SLC4A2: variants seen among roughly 807,000 people sequenced by gnomAD.
SLC4A2 encodes the protein anion exchange protein 2.
SLC4A2 carries 36 observed loss-of-function variants against 115.0 expected under a neutral mutation model. That is an observed-to-expected ratio of 0.31 (90% CI 0.24 to 0.41). The LOEUF is 0.41. Among genes scored for constraint, SLC4A2 ranks in the 10% least tolerant of loss-of-function variants. The pLI, the probability that SLC4A2 is intolerant of heterozygous loss-of-function variation, is 1.00. For synonymous variants in SLC4A2, 708 were observed against 708.3 expected (o/e 1.00, Z 0.01); for missense variants, 1,252 against 1,705.6 (o/e 0.73, Z 4.68).
intron 1 of SLC4A2, chr7:151,061,723 G>GC: frequency 2.1e-6 from 1 of 472,030 alleles, no homozygotes; most frequent in Non-Finnish European, 3.8e-6. Context: ...GCCCTTTTCG[G>GC]CCCCCCTCGC....
Position 151,064,735 on chromosome 7 carries a change from C to T in SLC4A2, c.427C>T (p.Pro143Ser). ...TGAGGGGGCCCGGGCTCTCACTCAG[C>T]CGTCCCCTGTCTCCACACCCTCCTC... The part of the protein sequence containing the change: ...EAEGARALTQ[P>S]SPVSTPSSVQ... The change falls in exon 4 of 23, where the codon CCG becomes TCG. Residue 143 changes from proline (P) to serine (S), a missense_variant. Pro to Ser is a moderately conservative substitution (Grantham distance 74). Transcript: ENST00000413384. 6.2e-7 allele frequency: 1 copy of T among 1,611,102 alleles called. No individual in the cohort carries two copies. The highest frequency in any genetic ancestry group is 8.5e-7 in the Non-Finnish European group (1 of 1,178,156).
rs763721887 is a variant in SLC4A2, at chr7:151,064,938, C to T, written c.550C>T (p.Pro184Ser). The T allele has an allele frequency of 1.2e-6, 2 of 1,613,608 alleles. No individual in the cohort carries two copies. The highest frequency in any genetic ancestry group is 3.3e-5 in the Admixed American group (2 of 60,006). ...ACCACTGCCCCACCAGGAGGCGACTCCTCGGGCCTCCAAAGGGGCCCAGGC... is the reference window on the plus strand; with the variant it reads ...ACCACTGCCCCACCAGGAGGCGACTTCTCGGGCCTCCAAAGGGGCCCAGGC... ...PAPLPHQEAT[P>S]RASKGAQAGT... Residue 184 changes from proline (P) to serine (S), a missense_variant, in exon 5 of 23, where the codon CCT becomes TCT. Physicochemically the swap from Pro to Ser is moderately conservative, Grantham distance 74 (BLOSUM62 -1). This residue lies in a region of SLC4A2 where 215 missense variants were observed against 205.2 expected (regional missense o/e 1.05). Transcript: ENST00000413384.
At chr7:151,062,823 C>T (rs1348527089) in intron 2 of SLC4A2, 4 of 1,369,778 alleles carry the variant, frequency 2.9e-6, no homozygotes, top group Non-Finnish European at 3.8e-6. Context: ...GAGAAGCCAG[C>T]CCCCTGGCCC....
chr7:151,068,541 A>G (rs1797314627), intron 8 of SLC4A2, among the ~76,000 whole-genome samples: 1 of 151,748 alleles, frequency 6.6e-6, no homozygotes, highest in East Asian at 1.9e-4. Context: ...TTTTTTCGAG[A>G]CAGGATCTTG....
At position 151,071,618 on chromosome 7, in the gene SLC4A2, T is replaced by C; in HGVS notation, c.2191+13T>C. 1 of 1,613,694 alleles carries C rather than the reference T, an allele frequency of 6.2e-7. No homozygotes were observed. On this transcript the variant is annotated intron_variant, in intron 14 of 22. Transcript: ENST00000413384. This position sits in a 1 kb window ranked among gnomAD's most constrained non-coding sequence, Gnocchi z 5.5. ...GGGGGGCTGCTGGGTGAGGAGAGCC[T>C]TCAGGTAGGGGGCGGCGGGGACTGC...
At chr7:151,065,889 A>C (rs906658080) in intron 5 of SLC4A2, among the ~76,000 whole-genome samples, 11 of 152,040 alleles carry the variant, frequency 7.2e-5, no homozygotes, top group Admixed American at 4.6e-4. Context: ...GTTGAGAGAG[A>C]GGGGTAGGAC....
In SLC4A2 at chr7:151,069,631, C is replaced by T. The variant is rs564052845; in HGVS notation, c.1148-316C>T. 1.1e-4 allele frequency among the ~76,000 whole-genome samples: 17 copies of T among 152,272 alleles called. No homozygotes were observed. In the South Asian group the frequency reaches 2.7e-3, roughly 24 times the overall value. On this transcript the variant is annotated intron_variant, in intron 8 of 22. Transcript: ENST00000413384. Reference sequence around the variant, plus strand: ...AGCCAGAGTGGGCGGCCTGGACCGTCCCCATGGAGGCCGGATGCTTCCTGG... The same window carrying T: ...AGCCAGAGTGGGCGGCCTGGACCGTTCCCATGGAGGCCGGATGCTTCCTGG...
rs762099826 is a variant in SLC4A2 at position 151,066,581 on chromosome 7, G to A, written c.643G>A (p.Asp215Asn). 19 of 1,547,174 alleles carry A rather than the reference G, an allele frequency of 1.2e-5. No homozygotes were observed. The East Asian group carries it at 2.0e-4, about 16-fold the overall frequency. The change falls in exon 6 of 23, where the codon GAC (aspartate) becomes AAC (asparagine). Residue 215 changes from aspartate (D) to asparagine (N), a missense_variant. Asp to Asn is a conservative substitution (Grantham distance 23). Coordinates refer to ENST00000413384, the MANE Select transcript of SLC4A2 (RefSeq NM_003040.4). ...GGCCAGTGGCACTGCAGGGGGTGAC[G>A]ACGGGGGTGCCTCGGGGCGCCCCCT... ...AVASGTAGGD[D>N]GGASGRPLPK...
chr7:151,064,247 C>G lies in SLC4A2; in HGVS notation c.97C>G (p.Gln33Glu). The change falls in exon 3 of 23, where the codon CAG (glutamine) becomes GAG (glutamate). Residue 33 changes from glutamine (Q) to glutamate (E), a missense_variant. Coordinates refer to ENST00000413384, the MANE Select transcript of SLC4A2 (RefSeq NM_003040.4). ...CCCTGGGACGCCTGGGTTCCCCGAG[C>G]AGGAGGAAGACGAACTTCACCGCAC... The part of the protein sequence containing the change: ...LGPGTPGFPE[Q>E]EEDELHRTLG... 6.2e-7 allele frequency: 1 copy of G among 1,612,508 alleles called. No homozygotes were observed. The highest frequency in any genetic ancestry group is 8.5e-7 in the Non-Finnish European group (1 of 1,179,936).
chr7:151,062,733 C>G (rs1038608483), intron 2 of SLC4A2: 1 of 1,404,780 alleles, frequency 7.1e-7, no homozygotes. Context: ...TCCCCTCGTC[C>G]CACGGGGCTG....
At chr7:151,066,054 A>C (rs944506167) in intron 5 of SLC4A2, among the ~76,000 whole-genome samples, 1 of 152,116 alleles carries the variant, frequency 6.6e-6, no homozygotes, top group Non-Finnish European at 1.5e-5. Context: ...CTCTTGATTA[A>C]ACATAGGCCC....
intron 7 of SLC4A2, 122 bp downstream of exon 7, chr7:151,067,115 G>C: frequency 9.5e-7 from 1 of 1,056,450 alleles, no homozygotes; most frequent in Non-Finnish European, 1.4e-6. Context: ...GTTTGAGACA[G>C]TCTCGCTCTG....
At chr7:151,068,114 C>G (rs1360097423) in intron 8 of SLC4A2, 60 bp downstream of exon 8, 1 of 1,295,460 alleles carries the variant, frequency 7.7e-7, no homozygotes, top group African/African-American at 1.5e-5. Flanking sequence ...TCCCACATGG[C>G]CCCAAATCTG....
At chr7:151,073,883 T>C (rs1039607899) in intron 16 of SLC4A2, 156 bp from the exon 17 acceptor site, 2 of 786,620 alleles carry the variant, frequency 2.5e-6, no homozygotes, top group Non-Finnish European at 4.0e-6. Context: ...TGCTCACAGC[T>C]GGTTCTCTGG....
chr7:151,063,197 C>A, intron 2 of SLC4A2: 2 of 111,362 alleles, frequency 1.8e-5, no homozygotes, highest in Non-Finnish European at 2.8e-5. Context: ...CAGGTGGGGG[C>A]TGTGGGGGTG....
intron 5 of SLC4A2, among the ~76,000 whole-genome samples, chr7:151,065,862 C>T (rs1404805799): frequency 1.3e-5 from 2 of 152,110 alleles, no homozygotes; most frequent in Non-Finnish European, 2.9e-5. Flanking sequence ...GAGCTTGGAG[C>T]TCTGGGGGCT....
chr7:151,062,530 G>A (rs1563338654), intron 2 of SLC4A2: 1 of 1,258,328 alleles, frequency 7.9e-7, no homozygotes, highest in Admixed American at 3.9e-5. Flanking sequence ...GATTAACCCC[G>A]TGCCACAATC....
In SLC4A2 at chr7:151,061,972, G is replaced by A. The variant is rs1257166811; in HGVS notation, c.-16G>A. 6 of 1,609,662 alleles carry A rather than the reference G, an allele frequency of 3.7e-6. No homozygotes were observed. Among genetic ancestry groups the A allele is most frequent in the Non-Finnish European group, 5.1e-6 (6 of 1,179,432 alleles). ...CTGAAAGCCGCAGCGACAGCGAAAA[G>A]GGCTAAGATTCGGCCATGAGCAGCG... On this transcript the variant is annotated 5_prime_UTR_variant, in exon 2 of 23. Coordinates refer to ENST00000413384, the MANE Select transcript of SLC4A2 (RefSeq NM_003040.4).
intron 4 of SLC4A2, 32 bp from the exon 5 acceptor site, chr7:151,064,816 G>C: frequency 3.1e-6 from 5 of 1,613,426 alleles, no homozygotes; most frequent in Non-Finnish European, 4.2e-6. Flanking sequence ...CCCTGGCCTG[G>C]TCACTCCTGC....
Sources: allele counts gnomAD v4.1 joint callset (sites outside exome capture counted in the v4.1 genomes callset), GRCh38; gene constraint gnomAD v4.1.1; regional missense constraint gnomAD v4.1.1; non-coding constraint Gnocchi (gnomAD v3.1); transcripts MANE v1.5; gene names NCBI Gene and HGNC (gene_info 2026-07-23, HGNC 2026-07-21).